Variants in SLX4IP observed in about 807,000 individuals in gnomAD.
SLX4IP encodes the protein protein SLX4IP.
Under a neutral mutation model 32.9 loss-of-function variants are expected in SLX4IP, and 34 were observed. That is an observed-to-expected ratio of 1.03 (90% CI 0.79 to 1.38). The LOEUF (loss-of-function observed/expected upper bound fraction) is 1.38. Among genes scored for constraint, SLX4IP ranks in the 40% most tolerant of loss-of-function variants. The probability of loss-of-function intolerance (pLI) is 0.00; values close to 1 mark genes in which losing one functional copy is unlikely to be tolerated. For missense variants in SLX4IP, 444 were observed against 479.0 expected, an observed-to-expected ratio of 0.93 and a Z score of 0.68; for synonymous variants, 172 against 171.7, an observed-to-expected ratio of 1.00 and a Z score of -0.01.
intron 2 of SLX4IP, among the ~76,000 whole-genome samples, chr20:10,492,096 A>G: frequency 6.6e-6 from 1 of 151,930 alleles, no homozygotes; most frequent in East Asian, 1.9e-4. Flanking sequence ...CCTTTTTATA[A>G]CTCTATGCCA....
intron 1 of SLX4IP, among the ~76,000 whole-genome samples, chr20:10,456,572 C>T (rs2065287779): frequency 6.6e-6 from 1 of 152,126 alleles, no homozygotes; most frequent in African/African-American, 2.4e-5. Flanking sequence ...GAACTCCTGA[C>T]CTCGTGATCT....
At chr20:10,493,504 A>G (rs1456019168) in intron 2 of SLX4IP, among the ~76,000 whole-genome samples, 4 of 152,156 alleles carry the variant, frequency 2.6e-5, no homozygotes, top group Non-Finnish European at 5.9e-5. Flanking sequence ...TGAATATTTT[A>G]TGTATAGTCA....
rs143045513 is a variant in SLX4IP, at chr20:10,579,518, C to A, written c.238+18698C>A. On this transcript the variant is annotated intron_variant, in intron 4 of 7. Coordinates refer to ENST00000334534, the MANE Select transcript of SLX4IP (RefSeq NM_001009608.3). Reference sequence around the variant, plus strand: ...TCTCGGCTCGCTGCAACCTCCGCCTCCCAGGTTCAACCGATTCTCCACCTC... The same window carrying A: ...TCTCGGCTCGCTGCAACCTCCGCCTACCAGGTTCAACCGATTCTCCACCTC... Among the ~76,000 whole-genome samples the A allele has an allele frequency of 2.8e-3, 424 of 151,076 alleles. 1 individual carries two copies. Among genetic ancestry groups the A allele is most frequent in the African/African-American group, 9.8e-3 (402 of 41,038 alleles).
chr20:10,522,835 C>T (rs2065911146), intron 2 of SLX4IP, among the ~76,000 whole-genome samples: 1 of 152,192 alleles, frequency 6.6e-6, no homozygotes, highest in African/African-American at 2.4e-5. Context: ...CATGGCACAG[C>T]CTGTTGCTGA....
At chr20:10,594,215 C>G (rs1336446246) in intron 4 of SLX4IP, among the ~76,000 whole-genome samples, 1 of 152,136 alleles carries the variant, frequency 6.6e-6, no homozygotes, top group African/African-American at 2.4e-5. Context: ...ATGTTTCAGA[C>G]TGTGTGAGTG....
intron 4 of SLX4IP, among the ~76,000 whole-genome samples, chr20:10,590,442 C>T (rs1175768096): frequency 6.6e-6 from 1 of 151,992 alleles, no homozygotes; most frequent in Non-Finnish European, 1.5e-5. Context: ...CTCACTGCAA[C>T]CTCTGCCTCC....
At chr20:10,615,806 T>G (rs1012510376) in intron 6 of SLX4IP, among the ~76,000 whole-genome samples, 5 of 152,144 alleles carry the variant, frequency 3.3e-5, no homozygotes, top group Non-Finnish European at 7.4e-5. Flanking sequence ...CAAGATGATG[T>G]CTCATTGCTG....
At chr20:10,562,010 A>T (rs2066337899) in intron 4 of SLX4IP, among the ~76,000 whole-genome samples, 1 of 152,226 alleles carries the variant, frequency 6.6e-6, no homozygotes, top group African/African-American at 2.4e-5. Context: ...TTAGGGGAAC[A>T]TACAGACGGG....
intron 4 of SLX4IP, among the ~76,000 whole-genome samples, chr20:10,568,194 C>T (rs902099379): frequency 3.9e-5 from 6 of 152,198 alleles, no homozygotes; most frequent in Non-Finnish European, 5.9e-5. Context: ...CTAGAATACA[C>T]GCCACCTTGT....
At chr20:10,466,243 G>A (rs2065379533) in intron 2 of SLX4IP, among the ~76,000 whole-genome samples, 1 of 152,194 alleles carries the variant, frequency 6.6e-6, no homozygotes, top group South Asian at 2.1e-4. Context: ...TGTTGCCAGG[G>A]TCGCTCTCAA....
intron 2 of SLX4IP, among the ~76,000 whole-genome samples, chr20:10,528,333 TATC>T (rs775152046): frequency 1.3e-5 from 2 of 152,140 alleles, no homozygotes; most frequent in African/African-American, 4.8e-5. Context: ...GTTTGATAAA[TATC>T]ATCATTTTTG....
chr20:10,457,743 T>C (rs1350299289), intron 1 of SLX4IP, among the ~76,000 whole-genome samples: 2 of 152,212 alleles, frequency 1.3e-5, no homozygotes, highest in Non-Finnish European at 2.9e-5. Flanking sequence ...CTTATGCTTC[T>C]GTTTTTTTAA....
chr20:10,490,773 T>C (rs2065615485), intron 2 of SLX4IP, among the ~76,000 whole-genome samples: 1 of 152,148 alleles, frequency 6.6e-6, no homozygotes, highest in Non-Finnish European at 1.5e-5. Flanking sequence ...TGTTTTGTGG[T>C]TTATTTGAGA....
intron 2 of SLX4IP, among the ~76,000 whole-genome samples, chr20:10,496,884 C>T (rs554728199): frequency 6.6e-6 from 1 of 152,312 alleles, no homozygotes; most frequent in East Asian, 1.9e-4. Flanking sequence ...TCAGCAAATT[C>T]TAAAGTCATT....
intron 2 of SLX4IP, among the ~76,000 whole-genome samples, chr20:10,500,271 G>A (rs1396233684): frequency 6.6e-6 from 1 of 151,268 alleles, no homozygotes; most frequent in African/African-American, 2.4e-5. Context: ...GCGATTACAG[G>A]TGCCCGCCAC....
chr20:10,472,497 T>G (rs903168284), intron 2 of SLX4IP, among the ~76,000 whole-genome samples: 15 of 152,220 alleles, frequency 9.9e-5, no homozygotes, highest in Admixed American at 1.3e-4. Context: ...CCCAAAGTGC[T>G]GGGATTACAG....
intron 2 of SLX4IP, among the ~76,000 whole-genome samples, chr20:10,505,262 G>A (rs1212199776): frequency 6.6e-6 from 1 of 152,182 alleles, no homozygotes; most frequent in African/African-American, 2.4e-5. Context: ...TCTAGACTCT[G>A]GGAATGTGTG....
At chr20:10,598,886 T>C in intron 5 of SLX4IP, 134 bp downstream of exon 5, 1 of 845,748 alleles carries the variant, frequency 1.2e-6, no homozygotes. Context: ...GTCCGAAAGT[T>C]TGCGATTTCT....
rs558670083 is a variant in SLX4IP at position 10,456,346 on chromosome 20, A to T, written c.-29-1830A>T. 1.1e-4 allele frequency among the ~76,000 whole-genome samples: 17 copies of T among 151,982 alleles called. No individual in the cohort carries two copies. The East Asian group carries it at 1.6e-3, about 14-fold the overall frequency. ...AAGCTTTTATTTATTTATTTATTTT[A>T]TTTGATAGTTTTTCAGACGGAGTCT... is the stretch of plus-strand genomic sequence containing the variant. On this transcript the variant is annotated intron_variant, in intron 1 of 7. Coordinates refer to ENST00000334534, the MANE Select transcript of SLX4IP (RefSeq NM_001009608.3).
Sources: allele counts gnomAD v4.1 joint callset (sites outside exome capture counted in the v4.1 genomes callset), GRCh38; gene constraint gnomAD v4.1.1; transcripts MANE v1.5; gene names NCBI Gene and HGNC (gene_info 2026-07-23, HGNC 2026-07-21).